ATXN1: variants seen among roughly 807,000 people sequenced by gnomAD.
The protein encoded by ATXN1 is ataxin-1.
A neutral mutation model predicts 56.4 loss-of-function variants in ATXN1; 8 were observed. The ratio of observed to expected loss-of-function variants is 0.14; its 90% CI spans 0.08 to 0.26. The LOEUF is 0.26. ATXN1 is among the 10% of genes least tolerant of loss of function. ATXN1 has a pLI of 1.00. For missense variants in ATXN1, 987 were observed against 1,106.5 expected (o/e 0.89, Z 1.53); for synonymous variants, 514 against 494.6 (o/e 1.04, Z -0.52).
At chr6:16,419,457 T>A (rs59940147) in intron 6 of ATXN1, among the ~76,000 whole-genome samples, 22,101 of 151,576 alleles carry the variant, frequency 0.15, 1,843 homozygotes, top group East Asian at 0.33. Flanking sequence ...ATATATTTTA[T>A]AAATATTTTT....
chr6:16,615,037 T>A (rs1763182042), intron 3 of ATXN1: 1 of 150,620 alleles, frequency 6.6e-6, no homozygotes, highest in African/African-American at 2.4e-5. Flanking sequence ...ATCAAAAAAA[T>A]TATTATAGAC....
chr6:16,356,450 A>G (rs1345676588), intron 6 of ATXN1, among the ~76,000 whole-genome samples: 1 of 152,256 alleles, frequency 6.6e-6, no homozygotes, highest in African/African-American at 2.4e-5. Flanking sequence ...TTATGGGAAT[A>G]GTAATGAATT....
chr6:16,760,505 C>T lies in ATXN1; in HGVS notation c.-730+793G>A, dbSNP rs1314805536. Reference sequence around the variant, plus strand: ...GCCAGGGCCGTCACCGCCACTCCAGCCGCGCTCCAGGCACCCGCACACCCG... The same window carrying T: ...GCCAGGGCCGTCACCGCCACTCCAGTCGCGCTCCAGGCACCCGCACACCCG... On this transcript the variant is annotated intron_variant, in intron 1 of 7. Coordinates refer to ENST00000436367, the MANE Select transcript of ATXN1 (RefSeq NM_001128164.2). This position sits in a 1 kb window ranked among gnomAD's most constrained non-coding sequence, Gnocchi z 5.3. 6.6e-6 allele frequency among the ~76,000 whole-genome samples: 1 copy of T among 151,282 alleles called. No individual in the cohort carries two copies. Among genetic ancestry groups the T allele is most frequent in the Non-Finnish European group, 1.5e-5 (1 of 67,748 alleles).
intron 6 of ATXN1, among the ~76,000 whole-genome samples, chr6:16,469,931 G>A (rs558839023): frequency 1.3e-5 from 2 of 148,622 alleles, no homozygotes; most frequent in African/African-American, 5.0e-5. Flanking sequence ...CTGCACTCCA[G>A]CCTGGGCAAC....
chr6:16,370,205 G>T (rs538603681), intron 6 of ATXN1, among the ~76,000 whole-genome samples: 2 of 152,170 alleles, frequency 1.3e-5, no homozygotes, highest in Non-Finnish European at 2.9e-5. Flanking sequence ...AGGCGACCCC[G>T]ACAGAGCCTG....
At chr6:16,333,642 G>A (rs1252897862) in intron 6 of ATXN1, among the ~76,000 whole-genome samples, 1 of 152,194 alleles carries the variant, frequency 6.6e-6, no homozygotes, top group Non-Finnish European at 1.5e-5. Flanking sequence ...AACAGGGCAC[G>A]GTTTCAGCTT....
intron 3 of ATXN1, among the ~76,000 whole-genome samples, chr6:16,640,717 G>C (rs1254904966): frequency 6.6e-6 from 1 of 151,922 alleles, no homozygotes; most frequent in Non-Finnish European, 1.5e-5. Context: ...TTGAAATTAG[G>C]CCAATTAATA....
chr6:16,518,418 C>T (rs1186844680), intron 5 of ATXN1, among the ~76,000 whole-genome samples: 3 of 152,214 alleles, frequency 2.0e-5, no homozygotes, highest in African/African-American at 7.2e-5. Context: ...TTCTCCTTCC[C>T]TCTTCACACA....
intron 2 of ATXN1, among the ~76,000 whole-genome samples, chr6:16,731,459 T>A (rs1554129127): frequency 1.1e-5 from 1 of 94,720 alleles, no homozygotes; most frequent in Non-Finnish European, 1.9e-5. Flanking sequence ...CTTTTCTTTT[T>A]TTTTTTTTTT....
chr6:16,585,391 A>G (rs1352863955), intron 4 of ATXN1, among the ~76,000 whole-genome samples: 2 of 152,222 alleles, frequency 1.3e-5, no homozygotes, highest in African/African-American at 4.8e-5. Flanking sequence ...GCTATGAAAG[A>G]TGTTCAGAAT....
At chr6:16,324,573 G>A (rs925219737) in intron 7 of ATXN1, among the ~76,000 whole-genome samples, 6 of 152,082 alleles carry the variant, frequency 3.9e-5, no homozygotes, top group Non-Finnish European at 7.4e-5. Context: ...AACTCAAGCT[G>A]GAAGGAGGCT....
chr6:16,376,100 T>C (rs1424682342), intron 6 of ATXN1, among the ~76,000 whole-genome samples: 1 of 152,178 alleles, frequency 6.6e-6, no homozygotes, highest in Non-Finnish European at 1.5e-5. Context: ...AAGGGAAAAA[T>C]GTAAATGATT....
intron 5 of ATXN1, among the ~76,000 whole-genome samples, chr6:16,518,692 C>T (rs1422562595): frequency 2.0e-5 from 3 of 152,186 alleles, no homozygotes; most frequent in African/African-American, 7.2e-5. Flanking sequence ...AATCACTATC[C>T]TAATCTATCA....
rs142349688 is a variant in ATXN1, at chr6:16,633,397, T to C, written c.-489+24379A>G. ...GTTTTATCAGTTTTCTTTTCCAGTT[T>C]TGGAAGGGAAAGCCCTTGAAACAAA... On this transcript the variant is annotated intron_variant, in intron 3 of 7. Coordinates refer to ENST00000436367, the MANE Select transcript of ATXN1 (RefSeq NM_001128164.2). Among the ~76,000 whole-genome samples, 100 of 152,288 alleles carry C rather than the reference T, an allele frequency of 6.6e-4. 1 individual carries two copies. The highest frequency in any genetic ancestry group is 6.8e-3 in the Middle Eastern group (2 of 294).
chr6:16,338,073 A>G (rs1761164881), intron 6 of ATXN1, among the ~76,000 whole-genome samples: 1 of 152,250 alleles, frequency 6.6e-6, no homozygotes, highest in African/African-American at 2.4e-5. Flanking sequence ...ATAATAGATC[A>G]ATAATATTCC....
chr6:16,661,567 C>T (rs1758321197), intron 2 of ATXN1, among the ~76,000 whole-genome samples: 1 of 152,132 alleles, frequency 6.6e-6, no homozygotes, highest in African/African-American at 2.4e-5. Flanking sequence ...GAATTCATGC[C>T]CTTGTAAAGC....
intron 2 of ATXN1, among the ~76,000 whole-genome samples, chr6:16,731,955 T>C (rs1759998149): frequency 6.6e-6 from 1 of 152,174 alleles, no homozygotes; most frequent in African/African-American, 2.4e-5. Context: ...ATTCCTATAG[T>C]AATAGCTGTC....
At chr6:16,717,327 G>T (rs554802570) in intron 2 of ATXN1, among the ~76,000 whole-genome samples, 1 of 152,304 alleles carries the variant, frequency 6.6e-6, no homozygotes, top group Non-Finnish European at 1.5e-5. Flanking sequence ...ACATGTTCCT[G>T]GTCCCACTAG....
At chr6:16,499,656 C>T (rs1216871886) in intron 5 of ATXN1, among the ~76,000 whole-genome samples, 1 of 152,104 alleles carries the variant, frequency 6.6e-6, no homozygotes, top group East Asian at 1.9e-4. Context: ...AGCCCGACAC[C>T]CACCCATTAA....
Sources: gnomAD v4.1 joint callset for allele counts (sites outside exome capture counted in the v4.1 genomes callset) on GRCh38, gnomAD v4.1.1 for gene constraint, Gnocchi (gnomAD v3.1) non-coding constraint, MANE v1.5 for transcripts, NCBI Gene and HGNC (gene_info 2026-07-23, HGNC 2026-07-21) for gene names.